The following NUCB1 variants were observed in gnomAD, a reference collection of about 807,000 sequenced individuals.
NUCB1 encodes nucleobindin-1.
NUCB1 carries 47 observed loss-of-function variants against 61.2 expected under a neutral mutation model. The observed-to-expected ratio is 0.77, with a 90% confidence interval of 0.61 to 0.98. NUCB1 has a LOEUF of 0.98. Ranked by LOEUF, NUCB1 falls within the 50% of genes least tolerant of loss-of-function variation. The pLI is 0.00. For synonymous variants in NUCB1, 234 were observed against 243.1 expected (o/e 0.96, Z 0.35); for missense variants, 583 against 605.3 (o/e 0.96, Z 0.39).
Position 48,911,199 on chromosome 19 carries a change from C to A in NUCB1, c.427C>A (p.Pro143Thr). ...NLLKQFEHLD[P>T]QNQHTFEARD... ...CCTGAAACAGTTTGAACACCTGGAC[C>A]CTCAGAACCAGCATACATTCGAGGC... is the stretch of plus-strand genomic sequence containing the variant. Residue 143 changes from proline (P) to threonine (T), a missense_variant, in exon 5 of 13, where the codon CCT becomes ACT. Physicochemically the swap from Pro to Thr is conservative, Grantham distance 38. Coordinates refer to ENST00000405315, the MANE Select transcript of NUCB1 (RefSeq NM_006184.6). 1.2e-6 allele frequency: 2 copies of A among 1,613,784 alleles called. 1 individual carries two copies. Among genetic ancestry groups the A allele is most frequent in the Middle Eastern group, 3.3e-4 (2 of 6,060 alleles).
chr19:48,906,472 A>C (rs2122171892), intron 4 of NUCB1, among the ~76,000 whole-genome samples: 1 of 152,148 alleles, frequency 6.6e-6, no homozygotes, highest in East Asian at 1.9e-4. Context: ...CACGCCTGCA[A>C]TTCCAACACT....
intron 2 of NUCB1, 56 bp downstream of exon 2, chr19:48,900,987 T>A (rs1441747010): frequency 6.2e-7 from 1 of 1,606,142 alleles, no homozygotes; most frequent in South Asian, 1.1e-5. Flanking sequence ...CTACAGCTCC[T>A]GCAGACCCCG....
intron 3 of NUCB1, among the ~76,000 whole-genome samples, chr19:48,904,926 G>C (rs998339612): frequency 1.3e-5 from 2 of 152,166 alleles, no homozygotes; most frequent in Non-Finnish European, 2.9e-5. Context: ...CACAAGCTGG[G>C]AAGAGCTTTG....
chr19:48,918,708 C>A lies in NUCB1; in HGVS notation c.758-18C>A, dbSNP rs966432654. 24 of 1,609,022 alleles carry A rather than the reference C, an allele frequency of 1.5e-5. No homozygotes were observed. Among genetic ancestry groups the A allele is most frequent in the Non-Finnish European group, 2.0e-5 (24 of 1,175,260 alleles). ...GTCCTCGGTCCCCTGAGATACCTTG[C>A]TATCCTCTTCCCTTCAGATATCAAC... is the stretch of plus-strand genomic sequence containing the variant. On this transcript the variant is annotated intron_variant, in intron 7 of 12. Coordinates refer to ENST00000405315, the MANE Select transcript of NUCB1 (RefSeq NM_006184.6).
rs1555791402 is a variant in NUCB1, at chr19:48,908,718, A to AGGGGTG, written c.377-2430_377-2425dup. On this transcript the variant is annotated intron_variant, in intron 4 of 12. Coordinates refer to ENST00000405315, the MANE Select transcript of NUCB1 (RefSeq NM_006184.6). Reference sequence around the variant, plus strand: ...GTGTGTCTTTCTGCCCACTTGACCAAGGGGTGTGTGTGTGTGTGTGTGTGT... The same window carrying AGGGGTG: ...GTGTGTCTTTCTGCCCACTTGACCAAGGGGTGGGGGTGTGTGTGTGTGTGTGTGTGT... Among the ~76,000 whole-genome samples the AGGGGTG allele has an allele frequency of 1.2e-3, 49 of 42,526 alleles. 1 individual carries two copies. In the East Asian group the frequency reaches 0.016, roughly 14 times the overall value. The allele number at this position is 42,526 out of a possible 152,430, so 27.9% of individuals were successfully genotyped here. A position where few individuals can be genotyped will look rare whatever the true frequency, so the allele number is the denominator to read the frequency against.
At chr19:48,907,272 C>CTTTTTT (rs1234696613) in intron 4 of NUCB1, among the ~76,000 whole-genome samples, 1 of 122,502 alleles carries the variant, frequency 8.2e-6, no homozygotes, top group Non-Finnish European at 1.7e-5. Context: ...CGCGCCTGGC[C>CTTTTTT]TTTTTTTTTT....
At chr19:48,920,176 T>C (rs919938707) in intron 10 of NUCB1, among the ~76,000 whole-genome samples, 1 of 152,080 alleles carries the variant, frequency 6.6e-6, no homozygotes, top group Non-Finnish European at 1.5e-5. Context: ...CCCAAAGTGC[T>C]GGGATTACCC....
intron 7 of NUCB1, among the ~76,000 whole-genome samples, chr19:48,917,806 C>CTT (rs60037055): frequency 0.028 from 3,845 of 139,208 alleles, 197 homozygotes; most frequent in African/African-American, 0.097. Flanking sequence ...CAATTTTTTA[C>CTT]TTTTTTTTTT....
At chr19:48,914,783 T>A (rs2037520574) in intron 7 of NUCB1, among the ~76,000 whole-genome samples, 1 of 149,850 alleles carries the variant, frequency 6.7e-6, no homozygotes, top group Non-Finnish European at 1.5e-5. Flanking sequence ...CTGTCTCTAT[T>A]TAAAAAAAAA....
At chr19:48,909,258 T>A (rs986030868) in intron 4 of NUCB1, among the ~76,000 whole-genome samples, 12 of 151,330 alleles carry the variant, frequency 7.9e-5, no homozygotes, top group Non-Finnish European at 1.8e-4. Flanking sequence ...TATTTTTTTT[T>A]TTTTCCAAGA....
chr19:48,902,420 C>CTTTTTTTTTTTTTTTTT (rs58758940), intron 2 of NUCB1, among the ~76,000 whole-genome samples: 1 of 130,002 alleles, frequency 7.7e-6, no homozygotes, highest in African/African-American at 2.9e-5. Context: ...TTTCCTTTTT[C>CTTTTTTTTTTTTTTTTT]TTTTTTTTTT....
chr19:48,921,058 C>T, intron 10 of NUCB1, 96 bp from the exon 11 acceptor site: 2 of 1,377,192 alleles, frequency 1.5e-6, no homozygotes, highest in Non-Finnish European at 2.0e-6. Context: ...GGCCTCCCAG[C>T]CTCCTCTACA....
intron 5 of NUCB1, among the ~76,000 whole-genome samples, chr19:48,912,081 G>A (rs913536377): frequency 4.8e-5 from 7 of 147,338 alleles, no homozygotes; most frequent in African/African-American, 1.3e-4. Flanking sequence ...CTGGAGTGCA[G>A]TGGCATGATC....
At chr19:48,905,713 A>G (rs369284272) in intron 3 of NUCB1, 40 bp from the exon 4 acceptor site, 4 of 1,612,378 alleles carry the variant, frequency 2.5e-6, no homozygotes, top group Non-Finnish European at 3.4e-6. Context: ...GAAGACAGAG[A>G]GCAGGCCCCC....
chr19:48,915,202 G>C (rs1212329401), intron 7 of NUCB1, among the ~76,000 whole-genome samples: 1 of 152,130 alleles, frequency 6.6e-6, no homozygotes, highest in Non-Finnish European at 1.5e-5. Context: ...TTCTAGGCCG[G>C]GTGTGGTGGC....
chr19:48,922,922 C>A lies in NUCB1; in HGVS notation c.*498C>A. On this transcript the variant is annotated 3_prime_UTR_variant, in exon 13 of 13. Transcript: ENST00000405315. The stretch of plus-strand genomic sequence containing the variant: ...CCTACCTTTTGTGGAACCAGTGATG[C>A]CTCAAAGACAGTGTCCCCTCCACAG... 1 of 154,492 alleles carries A rather than the reference C, an allele frequency of 6.5e-6. No individual in the cohort carries two copies. The highest frequency in any genetic ancestry group is 1.4e-5 in the Non-Finnish European group (1 of 69,522). 9.6% of individuals were successfully genotyped at this position (154,492 alleles called of 1,614,324 possible).
chr19:48,910,956 T>C, intron 4 of NUCB1, 193 bp from the exon 5 acceptor site: 1 of 511,708 alleles, frequency 2.0e-6, no homozygotes, highest in Non-Finnish European at 3.5e-6. Flanking sequence ...GTTTTTATTA[T>C]GGTTATTATT....
At chr19:48,904,079 A>C (rs1045787270) in intron 2 of NUCB1, among the ~76,000 whole-genome samples, 1 of 151,466 alleles carries the variant, frequency 6.6e-6, no homozygotes, top group African/African-American at 2.4e-5. Context: ...GGGTGGATGC[A>C]TGGATGGATG....
chr19:48,900,556 T>G, intron 1 of NUCB1, 184 bp downstream of exon 1: 2 of 568,922 alleles, frequency 3.5e-6, no homozygotes, highest in Non-Finnish European at 6.2e-6. Flanking sequence ...GATTCCTGAG[T>G]GTGAGAGAGG....
Sources: allele counts gnomAD v4.1 joint callset (sites outside exome capture counted in the v4.1 genomes callset), GRCh38; gene constraint gnomAD v4.1.1; transcripts MANE v1.5; gene names NCBI Gene and HGNC (gene_info 2026-07-23, HGNC 2026-07-21).